Variants in DYM observed in about 807,000 individuals in gnomAD.
DYM encodes the protein dymeclin, also known as dyggve-Melchior-Clausen syndrome protein.
DYM carries 78 observed loss-of-function variants against 93.1 expected under a neutral mutation model. The ratio of observed to expected loss-of-function variants is 0.84; its 90% CI spans 0.70 to 1.01. The LOEUF is 1.01. Among genes scored for constraint, DYM ranks in the 50% least tolerant of loss-of-function variants. The probability of loss-of-function intolerance (pLI) is 0.00; values close to 1 mark genes in which losing one functional copy is unlikely to be tolerated. For synonymous variants in DYM, 321 were observed against 319.7 expected (o/e 1.00, Z -0.04); for missense variants, 789 against 845.0 (o/e 0.93, Z 0.82).
At position 49,433,195 on chromosome 18, in the gene DYM, C is replaced by T. The variant is rs373301345; in HGVS notation, c.-53-2748G>A. Among the ~76,000 whole-genome samples the T allele has an allele frequency of 4.4e-4, 67 of 152,238 alleles. 1 individual carries two copies. In the South Asian group the frequency reaches 0.013, roughly 31 times the overall value. On this transcript the variant is annotated intron_variant, in intron 1 of 17. Coordinates refer to ENST00000675505, the MANE Select transcript of DYM (RefSeq NM_001353214.3). ...CCAGGAGAAGAAAGCATAGAACTGA[C>T]GGTTCACTTGATGCGTCTAACCTTA...
chr18:49,139,937 G>A (rs1045404732), intron 15 of DYM, among the ~76,000 whole-genome samples: 1 of 151,940 alleles, frequency 6.6e-6, no homozygotes, highest in Non-Finnish European at 1.5e-5. Context: ...ATTCCCAATA[G>A]GCACAGCGGT....
intron 8 of DYM, among the ~76,000 whole-genome samples, chr18:49,289,678 T>C (rs548144261): frequency 9.1e-5 from 13 of 143,212 alleles, no homozygotes; most frequent in Admixed American, 8.6e-4. Flanking sequence ...GCCACTGCAC[T>C]CCAACCCAGG....
At chr18:49,290,224 C>T (rs2060024447) in intron 8 of DYM, among the ~76,000 whole-genome samples, 1 of 151,548 alleles carries the variant, frequency 6.6e-6, no homozygotes, top group Non-Finnish European at 1.5e-5. Flanking sequence ...TTAAACTATA[C>T]CATGGAATAC....
intron 11 of DYM, among the ~76,000 whole-genome samples, chr18:49,263,786 G>A (rs901538795): frequency 6.6e-6 from 1 of 152,164 alleles, no homozygotes; most frequent in Non-Finnish European, 1.5e-5. Context: ...AAAGCACAGA[G>A]CAGCAGTGTC....
intron 14 of DYM, among the ~76,000 whole-genome samples, chr18:49,189,736 A>G (rs2090794221): frequency 1.3e-5 from 2 of 152,212 alleles, no homozygotes; most frequent in South Asian, 4.1e-4. Context: ...GGTTATTAAT[A>G]TCAGTAATAA....
chr18:49,435,198 A>G (rs2080722571), intron 1 of DYM, among the ~76,000 whole-genome samples: 1 of 118,874 alleles, frequency 8.4e-6, no homozygotes, highest in Non-Finnish European at 1.7e-5. Flanking sequence ...ACAGACCATG[A>G]CTCCATCTCA....
chr18:49,270,435 T>G (rs1398260286), intron 11 of DYM, among the ~76,000 whole-genome samples: 2 of 152,154 alleles, frequency 1.3e-5, no homozygotes, highest in Non-Finnish European at 2.9e-5. Flanking sequence ...GGGGTGGATG[T>G]GAGAAAATGA....
chr18:49,080,665 C>A (rs1250013996), intron 17 of DYM, among the ~76,000 whole-genome samples: 3 of 145,530 alleles, frequency 2.1e-5, no homozygotes, highest in Admixed American at 1.4e-4. Context: ...CCCTCCCGGA[C>A]GGGGCGGCTG....
intron 15 of DYM, among the ~76,000 whole-genome samples, chr18:49,148,277 G>T (rs982861643): frequency 2.6e-5 from 4 of 151,366 alleles, no homozygotes; most frequent in African/African-American, 4.9e-5. Context: ...CACCAACATG[G>T]CACATGTATA....
At chr18:49,312,561 T>C (rs2061665414) in intron 8 of DYM, among the ~76,000 whole-genome samples, 1 of 152,204 alleles carries the variant, frequency 6.6e-6, no homozygotes, top group African/African-American at 2.4e-5. Flanking sequence ...GCATCCCCTA[T>C]GCATCCCCTC....
intron 11 of DYM, among the ~76,000 whole-genome samples, chr18:49,263,179 C>A (rs1055747033): frequency 2.0e-5 from 3 of 151,734 alleles, no homozygotes; most frequent in Non-Finnish European, 2.9e-5. Context: ...AGTGCAATGG[C>A]ACGATCTCGG....
intron 17 of DYM, among the ~76,000 whole-genome samples, chr18:49,045,756 G>A (rs1368817045): frequency 6.6e-6 from 1 of 152,102 alleles, no homozygotes; most frequent in Non-Finnish European, 1.5e-5. Flanking sequence ...CCCCTGGAGG[G>A]CCCCGCACAG....
Position 49,041,008 on chromosome 18 carries a change from G to A in DYM, c.*3047C>T, listed in dbSNP as rs968194960. Among the ~76,000 whole-genome samples, 2 of 152,194 alleles carry A rather than the reference G, an allele frequency of 1.3e-5. No homozygotes were observed. Among genetic ancestry groups the A allele is most frequent in the Non-Finnish European group, 2.9e-5 (2 of 68,038 alleles). On this transcript the variant is annotated 3_prime_UTR_variant, in exon 18 of 18. Transcript: ENST00000675505. ...TTCTATCGTCTACTTCCCAGCTCCT[G>A]TGCTTTCCTTCCAGAGAGAACTGTG...
At chr18:49,079,396 T>C (rs987967055) in intron 17 of DYM, among the ~76,000 whole-genome samples, 1 of 151,756 alleles carries the variant, frequency 6.6e-6, no homozygotes. Context: ...AGAGATTCTT[T>C]TTTTTTTTTT....
chr18:49,156,810 C>T lies in DYM; in HGVS notation c.1728+6875G>A, dbSNP rs565163905. Among the ~76,000 whole-genome samples, 13 of 151,386 alleles carry T rather than the reference C, an allele frequency of 8.6e-5. 1 individual carries two copies. Among genetic ancestry groups the T allele is most frequent in the African/African-American group, 2.7e-4 (11 of 41,242 alleles). On this transcript the variant is annotated intron_variant, in intron 15 of 17. Transcript: ENST00000675505. ...CCACTGACTTAGAGCTAGTCATATGCCCCCCTCCTAGATGCAAGGGAGCTG... is the reference window on the plus strand; with the variant it reads ...CCACTGACTTAGAGCTAGTCATATGTCCCCCTCCTAGATGCAAGGGAGCTG...
At chr18:49,255,029 A>C (rs945336328) in intron 13 of DYM, among the ~76,000 whole-genome samples, 4 of 152,216 alleles carry the variant, frequency 2.6e-5, no homozygotes, top group Non-Finnish European at 5.9e-5. Flanking sequence ...GTACAAACCC[A>C]AAAAACAATC....
At chr18:49,273,813 T>A (rs1788597938) in intron 10 of DYM, among the ~76,000 whole-genome samples, 1 of 147,388 alleles carries the variant, frequency 6.8e-6, no homozygotes, top group Non-Finnish European at 1.5e-5. Context: ...GTATATTTTA[T>A]GCCTTTTTTT....
intron 17 of DYM, among the ~76,000 whole-genome samples, chr18:49,088,629 T>C (rs1418355777): frequency 1.3e-5 from 2 of 151,900 alleles, no homozygotes; most frequent in Non-Finnish European, 2.9e-5. Flanking sequence ...CTTTCAAACA[T>C]TTCAAAGGTT....
intron 17 of DYM, among the ~76,000 whole-genome samples, chr18:49,073,804 C>T (rs779786406): frequency 1.8e-4 from 28 of 152,136 alleles, no homozygotes; most frequent in Non-Finnish European, 3.7e-4. Context: ...TTTCTTCTTC[C>T]ATGGTTTTGG....
Sources: gnomAD v4.1 joint callset for allele counts (sites outside exome capture counted in the v4.1 genomes callset) on GRCh38, gnomAD v4.1.1 for gene constraint, MANE v1.5 for transcripts, NCBI Gene and HGNC (gene_info 2026-07-23, HGNC 2026-07-21) for gene names.